The following FSHR variants were observed in gnomAD, a reference collection of about 807,000 sequenced individuals.
FSHR encodes follicle stimulating hormone receptor, also known as follicle-stimulating hormone receptor.
FSHR carries 46 observed loss-of-function variants against 52.1 expected under a neutral mutation model. The ratio of observed to expected loss-of-function variants is 0.88; its 90% CI spans 0.70 to 1.13. The LOEUF (loss-of-function observed/expected upper bound fraction) is 1.13, where lower values mean the gene tolerates loss of function less well. Among genes scored for constraint, FSHR ranks in the 50% most tolerant of loss-of-function variants. The probability of loss-of-function intolerance (pLI) is 0.00; values close to 1 mark genes in which losing one functional copy is unlikely to be tolerated. For missense variants in FSHR, 964 were observed against 834.6 expected, an observed-to-expected ratio of 1.16 and a Z score of -1.91; for synonymous variants, 399 against 309.6, an observed-to-expected ratio of 1.29 and a Z score of -3.03.
intron 8 of FSHR, among the ~76,000 whole-genome samples, chr2:48,977,301 C>T (rs1040828793): frequency 6.6e-6 from 1 of 151,980 alleles, no homozygotes; most frequent in South Asian, 2.1e-4. Flanking sequence ...AACCATGGGA[C>T]GGGATTAGAT....
intron 1 of FSHR, among the ~76,000 whole-genome samples, chr2:49,087,070 G>GATTTTTTTTTTTTTTTTTTTTTTTTT (rs60949511): frequency 5.8e-5 from 5 of 86,734 alleles, no homozygotes; most frequent in African/African-American, 2.1e-4. Context: ...TGTGGGCAGG[G>GATTTTTTTTTTTTTTTTTTTTTTTTT]TTTTTTTTTT....
intron 1 of FSHR, among the ~76,000 whole-genome samples, chr2:49,110,159 A>T (rs1165709110): frequency 6.6e-6 from 1 of 152,182 alleles, no homozygotes; most frequent in African/African-American, 2.4e-5. Flanking sequence ...GCCAACATTA[A>T]CATGGTGCTT....
At chr2:49,115,237 C>T (rs556769809) in intron 1 of FSHR, among the ~76,000 whole-genome samples, 1 of 151,680 alleles carries the variant, frequency 6.6e-6, no homozygotes, top group Non-Finnish European at 1.5e-5. Flanking sequence ...GACACACTAC[C>T]TTAATACCTC....
chr2:49,068,715 A>G (rs993154837), intron 1 of FSHR, among the ~76,000 whole-genome samples: 1 of 152,116 alleles, frequency 6.6e-6, no homozygotes, highest in African/African-American at 2.4e-5. Context: ...AAACCAATAG[A>G]AGAAAATGTC....
intron 2 of FSHR, among the ~76,000 whole-genome samples, chr2:49,061,954 G>A (rs1269080460): frequency 1.3e-5 from 2 of 150,852 alleles, no homozygotes; most frequent in Non-Finnish European, 3.0e-5. Flanking sequence ...CTCTAATACA[G>A]TAATAGTTGG....
At chr2:49,043,288 C>A (rs1389416914) in intron 2 of FSHR, among the ~76,000 whole-genome samples, 44 of 130,944 alleles carry the variant, frequency 3.4e-4, no homozygotes, top group African/African-American at 1.1e-3. Flanking sequence ...CTGGGGTGGG[C>A]AGGGTAGGGG....
intron 1 of FSHR, among the ~76,000 whole-genome samples, chr2:49,088,689 G>A (rs968865660): frequency 1.3e-5 from 2 of 152,116 alleles, no homozygotes; most frequent in African/African-American, 4.8e-5. Context: ...ATAATGTGAG[G>A]TGACTGTCAC....
intron 4 of FSHR, chr2:48,997,432 T>A (rs1676072098): frequency 2.1e-6 from 2 of 972,438 alleles, no homozygotes; most frequent in South Asian, 9.5e-5. Context: ...TGGCTGCAGA[T>A]TCTGTTCGGA....
chr2:49,007,248 A>G (rs1238540248), intron 4 of FSHR, among the ~76,000 whole-genome samples: 1 of 152,118 alleles, frequency 6.6e-6, no homozygotes, highest in East Asian at 1.9e-4. Flanking sequence ...GTGTAGGGAC[A>G]TTGCATCCTC....
At chr2:49,059,175 T>A (rs1242716292) in intron 2 of FSHR, among the ~76,000 whole-genome samples, 2 of 151,904 alleles carry the variant, frequency 1.3e-5, no homozygotes, top group East Asian at 3.9e-4. Context: ...ATGATCACAC[T>A]CCTGCCTGAC....
At chr2:49,063,060 A>G (rs1013152347) in intron 2 of FSHR, among the ~76,000 whole-genome samples, 1 of 152,098 alleles carries the variant, frequency 6.6e-6, no homozygotes, top group Admixed American at 6.6e-5. Context: ...GAGCTTCCAT[A>G]TGATCCAGCA....
At chr2:49,135,340 A>G (rs983493223) in intron 1 of FSHR, among the ~76,000 whole-genome samples, 3 of 152,184 alleles carry the variant, frequency 2.0e-5, no homozygotes, top group Admixed American at 6.5e-5. Flanking sequence ...AAATATGTCA[A>G]AATTAACCAG....
chr2:49,146,291 T>G (rs570412244), intron 1 of FSHR, among the ~76,000 whole-genome samples: 1 of 152,170 alleles, frequency 6.6e-6, no homozygotes, highest in South Asian at 2.1e-4. Flanking sequence ...GGACAGAATA[T>G]TTGAAACCGA....
At chr2:49,064,810 C>A (rs1420136915) in intron 2 of FSHR, among the ~76,000 whole-genome samples, 1 of 151,978 alleles carries the variant, frequency 6.6e-6, no homozygotes, top group Non-Finnish European at 1.5e-5. Context: ...GATAAATGTG[C>A]TGTTAATATT....
At chr2:49,099,132 T>G (rs1412736271) in intron 1 of FSHR, among the ~76,000 whole-genome samples, 1 of 151,940 alleles carries the variant, frequency 6.6e-6, no homozygotes, top group Non-Finnish European at 1.5e-5. Flanking sequence ...TATGTTGAAG[T>G]CTTTGACATG....
At chr2:49,114,082 C>A (rs1159874435) in intron 1 of FSHR, among the ~76,000 whole-genome samples, 2 of 152,162 alleles carry the variant, frequency 1.3e-5, no homozygotes, top group African/African-American at 2.4e-5. Context: ...GCCTCTCTCA[C>A]TGAAGACTTG....
intron 1 of FSHR, among the ~76,000 whole-genome samples, chr2:49,120,779 A>G (rs904423441): frequency 3.3e-5 from 5 of 152,242 alleles, no homozygotes; most frequent in Non-Finnish European, 5.9e-5. Flanking sequence ...AGTTGTTTTA[A>G]AAGAGCTTAC....
chr2:49,061,717 T>A (rs1669305349), intron 2 of FSHR, among the ~76,000 whole-genome samples: 1 of 142,016 alleles, frequency 7.0e-6, no homozygotes, highest in Non-Finnish European at 1.5e-5. Context: ...TATATATAAC[T>A]ATATATAAAA....
chr2:49,029,408 G>A (rs745825186), intron 2 of FSHR, among the ~76,000 whole-genome samples: 6 of 152,178 alleles, frequency 3.9e-5, no homozygotes, highest in Non-Finnish European at 7.3e-5. Flanking sequence ...CAGCCTGAGA[G>A]GGTGTTAAGG....
Sources: allele counts gnomAD v4.1 joint callset (sites outside exome capture counted in the v4.1 genomes callset), GRCh38; gene constraint gnomAD v4.1.1; transcripts MANE v1.5; gene names NCBI Gene and HGNC (gene_info 2026-07-23, HGNC 2026-07-21).